ZAP70: variants seen among roughly 807,000 people sequenced by gnomAD.
ZAP70 encodes zeta chain of T cell receptor associated protein kinase 70, also known as tyrosine-protein kinase ZAP-70.
Under a neutral mutation model 65.8 loss-of-function variants are expected in ZAP70, and 27 were observed. The observed-to-expected ratio is 0.41, with a 90% CI of 0.30 to 0.57. The LOEUF is 0.57. Ranked by LOEUF, ZAP70 falls within the 20% of genes least tolerant of loss-of-function variation. ZAP70 has a pLI of 0.28. For synonymous variants in ZAP70, 363 were observed against 360.8 expected, an observed-to-expected ratio of 1.01 and a Z score of -0.07; for missense variants, 696 against 870.5, an observed-to-expected ratio of 0.80 and a Z score of 2.52.
intron 2 of ZAP70, among the ~76,000 whole-genome samples, chr2:97,718,641 C>A (rs1309304692): frequency 6.6e-6 from 1 of 152,178 alleles, no homozygotes; most frequent in African/African-American, 2.4e-5. Flanking sequence ...AGCCTCGGGT[C>A]ATGGATGGCA....
At chr2:97,730,360 C>T (rs1373319944) in intron 4 of ZAP70, among the ~76,000 whole-genome samples, 1 of 152,196 alleles carries the variant, frequency 6.6e-6, no homozygotes, top group Admixed American at 6.5e-5. Flanking sequence ...CATGTGGCCA[C>T]AGCCAGCTGG....
chr2:97,727,603 G>A (rs574176736), intron 4 of ZAP70, among the ~76,000 whole-genome samples: 1 of 152,342 alleles, frequency 6.6e-6, no homozygotes, highest in Admixed American at 6.5e-5. Flanking sequence ...CCCCAGGCTG[G>A]ACACGCGAAG....
downstream of ZAP70, among the ~76,000 whole-genome samples, chr2:97,740,734 C>A (rs949746006): frequency 9.9e-5 from 15 of 152,152 alleles, no homozygotes; most frequent in Admixed American, 2.0e-4. Context: ...TCAATCCCGC[C>A]CTCACTGCCT....
chr2:97,722,542 G>A (rs1273076489), intron 2 of ZAP70, among the ~76,000 whole-genome samples: 3 of 152,182 alleles, frequency 2.0e-5, no homozygotes, highest in African/African-American at 7.2e-5. Context: ...TAGTGCTGTT[G>A]GCTAAGAGTT....
At chr2:97,728,581 G>A (rs972405949) in intron 4 of ZAP70, among the ~76,000 whole-genome samples, 5 of 152,196 alleles carry the variant, frequency 3.3e-5, no homozygotes, top group South Asian at 2.1e-4. Context: ...CCAGGACCAC[G>A]CCTACCATTG....
chr2:97,754,322 G>A, the ZAP70 span, among the ~76,000 whole-genome samples: 1 of 152,154 alleles, frequency 6.6e-6, no homozygotes, highest in Non-Finnish European at 1.5e-5. Context: ...GGGGTCTCAG[G>A]CGATTGTTCT....
intron 2 of ZAP70, among the ~76,000 whole-genome samples, chr2:97,714,851 C>A (rs986037441): frequency 2.6e-5 from 4 of 152,164 alleles, no homozygotes; most frequent in African/African-American, 9.7e-5. Flanking sequence ...CATCCTCAGC[C>A]CCACTGCCCT....
chr2:97,739,587 G>T lies in ZAP70; in HGVS notation c.*89G>T. ...CCTGCAGTCTGGCTGAGCCCTGCTTGGTTGTCTCCACACACAGCTGGGCTG... is the reference window on the plus strand; with the variant it reads ...CCTGCAGTCTGGCTGAGCCCTGCTTTGTTGTCTCCACACACAGCTGGGCTG... On this transcript the variant is annotated 3_prime_UTR_variant, in exon 14 of 14. Transcript: ENST00000264972. 1 of 1,525,938 alleles carries T rather than the reference G, an allele frequency of 6.6e-7. No homozygotes were observed. 94.5% of individuals were successfully genotyped at this position (1,525,938 alleles called of 1,614,324 possible). A position where few individuals can be genotyped will look rare whatever the true frequency, so the allele number is the denominator to read the frequency against.
At chr2:97,754,481 C>T in the ZAP70 span, among the ~76,000 whole-genome samples, 1 of 152,116 alleles carries the variant, frequency 6.6e-6, no homozygotes. Flanking sequence ...TGGCTCACTG[C>T]AACCTCCACC....
the ZAP70 span, among the ~76,000 whole-genome samples, chr2:97,755,983 T>A: frequency 1.4e-3 from 213 of 152,316 alleles, 1 homozygote; most frequent in African/African-American, 4.9e-3. Context: ...TCAAGTATAA[T>A]GGAGTAACCC....
Position 97,725,143 on chromosome 2 carries a change from C to T in ZAP70, c.454C>T (p.Leu152Phe). The change falls in exon 4 of 14, where the codon CTC (leucine) becomes TTC (phenylalanine). Residue 152 changes from leucine (L) to phenylalanine (F), a missense_variant. Leu to Phe is a conservative substitution (Grantham distance 22, BLOSUM62 0). This residue lies in a region of ZAP70 where 551 missense variants were observed against 630.0 expected (regional missense o/e 0.87). Coordinates refer to ENST00000264972, the MANE Select transcript of ZAP70 (RefSeq NM_001079.4). ...CAGCCAGGCCCCGCAGGTGGAGAAG[C>T]TCATTGCTACGACGGCCCACGAGCG... is the stretch of plus-strand genomic sequence containing the variant. ...IISQAPQVEK[L>F]IATTAHERMP... is the part of the protein sequence containing the mutation. The T allele has an allele frequency of 6.2e-7, 1 of 1,614,154 alleles. No individual in the cohort carries two copies. The highest frequency in any genetic ancestry group is 8.5e-7 in the Non-Finnish European group (1 of 1,180,028).
At position 97,724,056 on chromosome 2, in the gene ZAP70, A is replaced by C. The variant is rs1573261600; in HGVS notation, c.20A>C (p.His7Pro). 2 of 1,555,628 alleles carry C rather than the reference A, an allele frequency of 1.3e-6. No individual in the cohort carries two copies. Among genetic ancestry groups the C allele is most frequent in the Non-Finnish European group, 1.7e-6 (2 of 1,156,272 alleles). Residue 7 changes from histidine to proline, a missense_variant, in exon 3 of 14, where the codon CAC becomes CCC. Coordinates refer to ENST00000264972, the MANE Select transcript of ZAP70 (RefSeq NM_001079.4). The part of the protein sequence containing the change: MPDPAA[H>P]LPFFYGSISR... ...GGGGCGATGCCAGACCCCGCGGCGC[A>C]CCTGCCCTTCTTCTACGGCAGCATC...
At chr2:97,748,280 G>A in the ZAP70 span, among the ~76,000 whole-genome samples, 1 of 152,204 alleles carries the variant, frequency 6.6e-6, no homozygotes, top group African/African-American at 2.4e-5. Context: ...TATAATCGAT[G>A]TGTTGGTACA....
chr2:97,718,523 G>C (rs1301395728), intron 2 of ZAP70, among the ~76,000 whole-genome samples: 1 of 152,158 alleles, frequency 6.6e-6, no homozygotes, highest in Non-Finnish European at 1.5e-5. Context: ...CCCGACCTGT[G>C]TGTGTGGGGT....
chr2:97,733,679 G>A, intron 8 of ZAP70, 84 bp downstream of exon 8: 2 of 1,574,620 alleles, frequency 1.3e-6, no homozygotes, highest in Non-Finnish European at 1.7e-6. Flanking sequence ...GGGTTTCACG[G>A]GGGGCGCTGT....
Position 97,715,426 on chromosome 2 carries a change from TCC to T in ZAP70, c.-22+1434_-22+1435del, listed in dbSNP as rs1054136675. Among the ~76,000 whole-genome samples the T allele has an allele frequency of 6.6e-6, 1 of 152,076 alleles. No individual in the cohort carries two copies. Among genetic ancestry groups the T allele is most frequent in the African/African-American group, 2.4e-5 (1 of 41,396 alleles). On this transcript the variant is annotated intron_variant, in intron 2 of 13. Coordinates refer to ENST00000264972, the MANE Select transcript of ZAP70 (RefSeq NM_001079.4). This position sits in a 1 kb window ranked among gnomAD's most constrained non-coding sequence, Gnocchi z 4.1. Reference sequence around the variant, plus strand: ...CTGACTCACACCGCCTTTTCCCATCTCCCTTTTACAGTCACAGAGCCTGAGGC... The same window carrying T: ...CTGACTCACACCGCCTTTTCCCATCTCTTTTACAGTCACAGAGCCTGAGGC...
chr2:97,717,422 C>T (rs1676977166), intron 2 of ZAP70, among the ~76,000 whole-genome samples: 1 of 140,782 alleles, frequency 7.1e-6, no homozygotes. Flanking sequence ...GAGCCTCTGG[C>T]TGGGGTGACA....
chr2:97,749,886 G>T, the ZAP70 span, among the ~76,000 whole-genome samples: 1 of 152,230 alleles, frequency 6.6e-6, no homozygotes, highest in Non-Finnish European at 1.5e-5. Flanking sequence ...AGGAGCTCAG[G>T]AGGCTCCAGA....
chr2:97,750,740 G>A, the ZAP70 span, among the ~76,000 whole-genome samples: 1 of 152,206 alleles, frequency 6.6e-6, no homozygotes, highest in Non-Finnish European at 1.5e-5. Context: ...CCCCTGTGGT[G>A]TTTTTCTAGG....
Sources: gnomAD v4.1 joint callset for allele counts (sites outside exome capture counted in the v4.1 genomes callset) on GRCh38, gnomAD v4.1.1 for gene constraint, gnomAD v4.1.1 regional missense constraint, Gnocchi (gnomAD v3.1) non-coding constraint, MANE v1.5 for transcripts, NCBI Gene and HGNC (gene_info 2026-07-23, HGNC 2026-07-21) for gene names.